Variants in NCOA1 observed in about 807,000 individuals in gnomAD.
The protein encoded by NCOA1 is nuclear receptor coactivator 1.
Under a neutral mutation model 150.9 loss-of-function variants are expected in NCOA1, and 35 were observed. That is an observed-to-expected ratio of 0.23 (90% CI 0.18 to 0.31). NCOA1 has a LOEUF of 0.31. Ranked by LOEUF, NCOA1 falls within the 10% of genes least tolerant of loss-of-function variation. NCOA1 has a pLI of 1.00. For synonymous variants in NCOA1, 590 were observed against 630.0 expected, an observed-to-expected ratio of 0.94 and a Z score of 0.95; for missense variants, 1,491 against 1,749.3, an observed-to-expected ratio of 0.85 and a Z score of 2.63.
rs569961284 is a variant in NCOA1, at chr2:24,610,734, C to G, written c.-175+26174C>G. Among the ~76,000 whole-genome samples the G allele has an allele frequency of 5.4e-5, 8 of 148,938 alleles. No individual in the cohort carries two copies. In the South Asian group the frequency reaches 1.7e-3, roughly 31 times the overall value. ...TGTTGTTTGTTTTCTCTGGCTCTTT[C>G]TAATAGTGCCTTATTTACTTGTATT... is the stretch of plus-strand genomic sequence containing the variant. On this transcript the variant is annotated intron_variant, in intron 3 of 22. Coordinates refer to ENST00000348332, the MANE Select transcript of NCOA1 (RefSeq NM_003743.5).
chr2:24,609,484 G>A (rs920530860), intron 3 of NCOA1, among the ~76,000 whole-genome samples: 1 of 152,164 alleles, frequency 6.6e-6, no homozygotes, highest in African/African-American at 2.4e-5. Flanking sequence ...GCTGGGTGTG[G>A]TGGAGCAGGG....
At chr2:24,666,552 T>A (rs939672614) in intron 6 of NCOA1, among the ~76,000 whole-genome samples, 29 of 152,234 alleles carry the variant, frequency 1.9e-4, no homozygotes, top group African/African-American at 5.3e-4. Context: ...ATAGAGTTCT[T>A]TAGGACAGTA....
intron 1 of NCOA1, among the ~76,000 whole-genome samples, chr2:24,501,019 T>C (rs990456925): frequency 2.0e-5 from 3 of 152,236 alleles, no homozygotes; most frequent in Admixed American, 2.0e-4. Context: ...TAAAAATCTT[T>C]TAAAAGAGCT....
chr2:24,724,208 C>T (rs139433099), intron 14 of NCOA1, among the ~76,000 whole-genome samples: 232 of 152,140 alleles, frequency 1.5e-3, no homozygotes, highest in Middle Eastern at 6.8e-3. Context: ...ATAGCTTGAT[C>T]GGGGGATCCC....
intron 2 of NCOA1, among the ~76,000 whole-genome samples, chr2:24,574,181 A>T (rs905690506): frequency 2.6e-5 from 4 of 152,098 alleles, no homozygotes; most frequent in African/African-American, 9.7e-5. Context: ...AATAGAAAAG[A>T]TGTTTAAAAA....
rs1361951470 is a variant in NCOA1 at position 24,691,502 on chromosome 2, A to G, written c.554A>G (p.Gln185Arg). 2 of 1,614,012 alleles carry G rather than the reference A, an allele frequency of 1.2e-6. No individual in the cohort carries two copies. Among genetic ancestry groups the G allele is most frequent in the Non-Finnish European group, 1.7e-6 (2 of 1,179,946 alleles). Residue 185 changes from glutamine to arginine, a missense_variant, in exon 9 of 23, where the codon CAA (glutamine) becomes CGA (arginine). By Grantham distance (43) the Gln-to-Arg change is conservative (BLOSUM62 1). Transcript: ENST00000348332. The part of the protein sequence containing the change: ...KSLVNGVPWP[Q>R]EATRRNSHTF... ...TCAGTAAATGGAGTTCCTTGGCCTC[A>G]AGAGGCAACACGACGAAATAGCCAT...
intron 11 of NCOA1, among the ~76,000 whole-genome samples, chr2:24,701,456 T>G (rs904525262): frequency 1.3e-5 from 2 of 151,334 alleles, no homozygotes; most frequent in South Asian, 4.2e-4. Context: ...TCAGTTAGCC[T>G]TGATCATGCT....
At chr2:24,736,182 T>C (rs1035503784) in intron 17 of NCOA1, among the ~76,000 whole-genome samples, 2 of 150,422 alleles carry the variant, frequency 1.3e-5, no homozygotes, top group African/African-American at 4.9e-5. Flanking sequence ...GATGTCACTG[T>C]TGCACTCCAG....
intron 14 of NCOA1, among the ~76,000 whole-genome samples, chr2:24,712,867 A>G (rs1410065343): frequency 1.3e-5 from 2 of 152,114 alleles, no homozygotes; most frequent in Admixed American, 6.5e-5. Flanking sequence ...AGAAAGACAA[A>G]TGGGAAGTAG....
intron 3 of NCOA1, among the ~76,000 whole-genome samples, chr2:24,625,716 C>T (rs1469088910): frequency 1.3e-5 from 2 of 150,498 alleles, no homozygotes; most frequent in Admixed American, 1.3e-4. Flanking sequence ...CTTTTCATTA[C>T]ATTCCATTTG....
chr2:24,566,023 C>T (rs977610729), intron 2 of NCOA1, among the ~76,000 whole-genome samples: 7 of 152,174 alleles, frequency 4.6e-5, no homozygotes, highest in African/African-American at 1.4e-4. Flanking sequence ...CCTCTTCTCA[C>T]CCACAACGTG....
At chr2:24,494,257 T>G (rs1006136170) in intron 1 of NCOA1, among the ~76,000 whole-genome samples, 3 of 152,216 alleles carry the variant, frequency 2.0e-5, no homozygotes, top group Non-Finnish European at 2.9e-5. Context: ...TATACTAGAC[T>G]GTGATTTATA....
chr2:24,735,296 C>T (rs1195783920), intron 17 of NCOA1, among the ~76,000 whole-genome samples: 1 of 152,082 alleles, frequency 6.6e-6, no homozygotes, highest in Non-Finnish European at 1.5e-5. Context: ...TTGTAATCTG[C>T]TATTCATAAT....
chr2:24,676,936 G>C (rs890835965), intron 7 of NCOA1, among the ~76,000 whole-genome samples: 1 of 152,148 alleles, frequency 6.6e-6, no homozygotes, highest in African/African-American at 2.4e-5. Context: ...GAATAAAAAA[G>C]AATGAACAAA....
chr2:24,669,778 C>T (rs1289391567), intron 6 of NCOA1, among the ~76,000 whole-genome samples: 1 of 152,128 alleles, frequency 6.6e-6, no homozygotes, highest in African/African-American at 2.4e-5. Flanking sequence ...ATATCATTAG[C>T]CATTAGGGAA....
At chr2:24,576,897 T>G (rs1667013766) in intron 2 of NCOA1, among the ~76,000 whole-genome samples, 1 of 152,162 alleles carries the variant, frequency 6.6e-6, no homozygotes, top group Non-Finnish European at 1.5e-5. Context: ...GATCAAGAAT[T>G]ATGGTATTCT....
At chr2:24,707,984 T>C in intron 13 of NCOA1, 96 bp downstream of exon 13, 2 of 1,400,960 alleles carry the variant, frequency 1.4e-6, no homozygotes, top group Non-Finnish European at 1.9e-6. Flanking sequence ...ATTCATACTA[T>C]GTTTTATCCT....
At chr2:24,592,379 G>T (rs940055253) in intron 3 of NCOA1, among the ~76,000 whole-genome samples, 3 of 151,960 alleles carry the variant, frequency 2.0e-5, no homozygotes, top group Admixed American at 6.6e-5. Flanking sequence ...TAGCTTTGGG[G>T]GATCACTCTT....
intron 7 of NCOA1, among the ~76,000 whole-genome samples, chr2:24,679,373 T>G (rs1672061803): frequency 6.6e-6 from 1 of 152,192 alleles, no homozygotes; most frequent in African/African-American, 2.4e-5. Flanking sequence ...CCAGATATAC[T>G]TTTAGAAAAT....
Sources: allele counts gnomAD v4.1 joint callset (sites outside exome capture counted in the v4.1 genomes callset), GRCh38; gene constraint gnomAD v4.1.1; transcripts MANE v1.5; gene names NCBI Gene and HGNC (gene_info 2026-07-23, HGNC 2026-07-21).